MARCHF1: variants seen among roughly 807,000 people sequenced by gnomAD.
MARCHF1 encodes the protein membrane associated ring-CH-type finger 1.
In MARCHF1, 40 loss-of-function variants were observed where a neutral mutation model predicts 54.2. The observed-to-expected ratio is 0.74, with a 90% CI of 0.57 to 0.96. The LOEUF (loss-of-function observed/expected upper bound fraction) is 0.96. MARCHF1 is among the 40% of genes least tolerant of loss of function. MARCHF1 has a pLI of 0.00. For synonymous variants in MARCHF1, 236 were observed against 236.3 expected, an observed-to-expected ratio of 1.00 and a Z score of 0.01; for missense variants, 586 against 656.5, an observed-to-expected ratio of 0.89 and a Z score of 1.17.
At chr4:164,160,732 CA>C (rs1730210365) in intron 1 of MARCHF1, among the ~76,000 whole-genome samples, 1 of 152,072 alleles carries the variant, frequency 6.6e-6, no homozygotes, top group Non-Finnish European at 1.5e-5. Flanking sequence ...TACAAAACTC[CA>C]ACTGACAGGT....
At chr4:164,100,620 C>T (rs911336696) in intron 2 of MARCHF1, among the ~76,000 whole-genome samples, 4 of 152,170 alleles carry the variant, frequency 2.6e-5, no homozygotes, top group Non-Finnish European at 5.9e-5. Flanking sequence ...CTTTTTCAGT[C>T]ATGAATAAAA....
chr4:164,099,588 C>G (rs764354638), intron 2 of MARCHF1, among the ~76,000 whole-genome samples: 1 of 152,112 alleles, frequency 6.6e-6, no homozygotes, highest in African/African-American at 2.4e-5. Flanking sequence ...AAGCATAAAA[C>G]TTCTTTTCAA....
At chr4:163,588,279 T>A (rs1364786073) in intron 7 of MARCHF1, among the ~76,000 whole-genome samples, 2 of 152,156 alleles carry the variant, frequency 1.3e-5, no homozygotes, top group African/African-American at 4.8e-5. Flanking sequence ...GAGTGCCTAT[T>A]TTTAATATAA....
chr4:164,105,834 C>T (rs1220866087), intron 2 of MARCHF1, among the ~76,000 whole-genome samples: 1 of 139,682 alleles, frequency 7.2e-6, no homozygotes, highest in Non-Finnish European at 1.5e-5. Flanking sequence ...AGGTAACCTA[C>T]AATATGGGAG....
chr4:164,052,187 C>T (rs1472279234), intron 2 of MARCHF1, among the ~76,000 whole-genome samples: 1 of 148,632 alleles, frequency 6.7e-6, no homozygotes, highest in Non-Finnish European at 1.5e-5. Flanking sequence ...GCACAGCAAA[C>T]AGCCCTGGAA....
intron 8 of MARCHF1, among the ~76,000 whole-genome samples, chr4:163,558,830 A>G (rs79999443): frequency 0.067 from 10,195 of 152,278 alleles, 549 homozygotes; most frequent in South Asian, 0.17. Context: ...TCCAGAGAAT[A>G]AAAAGAACTG....
intron 1 of MARCHF1, among the ~76,000 whole-genome samples, chr4:164,281,199 T>G (rs1192502221): frequency 6.6e-6 from 1 of 152,150 alleles, no homozygotes; most frequent in Non-Finnish European, 1.5e-5. Flanking sequence ...CAAGCAAAAT[T>G]CAAGCAAAAG....
chr4:163,940,322 G>C (rs190624126), intron 3 of MARCHF1, among the ~76,000 whole-genome samples: 96 of 152,110 alleles, frequency 6.3e-4, no homozygotes, highest in African/African-American at 2.2e-3. Context: ...TGTGTCTTCC[G>C]TTGTATTTAT....
intron 5 of MARCHF1, among the ~76,000 whole-genome samples, chr4:163,691,780 A>C (rs1453920246): frequency 4.6e-5 from 7 of 152,170 alleles, no homozygotes; most frequent in Non-Finnish European, 8.8e-5. Context: ...AGCAGTCATC[A>C]ATGGTGGAGG....
chr4:163,803,694 C>A (rs1276547728), intron 4 of MARCHF1, among the ~76,000 whole-genome samples: 1 of 151,872 alleles, frequency 6.6e-6, no homozygotes, highest in Admixed American at 6.6e-5. Flanking sequence ...TTTTCTCTCA[C>A]TGTAATGATC....
intron 1 of MARCHF1, among the ~76,000 whole-genome samples, chr4:164,247,588 C>T (rs1316738590): frequency 7.7e-6 from 1 of 130,626 alleles, no homozygotes; most frequent in Non-Finnish European, 1.6e-5. Context: ...GCACATGTAC[C>T]CTAAAACTTA....
chr4:164,254,424 ATATG>A (rs1348671939), intron 1 of MARCHF1, among the ~76,000 whole-genome samples: 11 of 149,494 alleles, frequency 7.4e-5, no homozygotes, highest in Admixed American at 6.7e-4. Context: ...ACTCCTATAT[ATATG>A]TATCAATATA....
At chr4:163,814,563 G>A (rs1352661242) in intron 4 of MARCHF1, among the ~76,000 whole-genome samples, 3 of 152,118 alleles carry the variant, frequency 2.0e-5, no homozygotes, top group Non-Finnish European at 4.4e-5. Flanking sequence ...TAGCCTGGGC[G>A]ACAGAGTAAA....
chr4:164,176,418 T>G (rs1461109404), intron 1 of MARCHF1, among the ~76,000 whole-genome samples: 1 of 152,110 alleles, frequency 6.6e-6, no homozygotes, highest in Admixed American at 6.5e-5. Flanking sequence ...GCTATGGATG[T>G]TTTTTTCTGT....
chr4:164,002,545 C>A (rs1397614211), intron 2 of MARCHF1, among the ~76,000 whole-genome samples: 1 of 150,912 alleles, frequency 6.6e-6, no homozygotes, highest in Non-Finnish European at 1.5e-5. Context: ...ACTTAAAAAA[C>A]CAGTGAATCA....
At chr4:163,553,580 C>A (rs950154720) in intron 8 of MARCHF1, among the ~76,000 whole-genome samples, 1 of 152,158 alleles carries the variant, frequency 6.6e-6, no homozygotes, top group Non-Finnish European at 1.5e-5. Flanking sequence ...AAAGATGGCA[C>A]AATGATGGCT....
Position 164,362,538 on chromosome 4 carries a change from A to G in MARCHF1, c.-323+21332T>C, listed in dbSNP as rs1017319172. 8.5e-5 allele frequency among the ~76,000 whole-genome samples: 13 copies of G among 152,270 alleles called. No homozygotes were observed. In the South Asian group the frequency reaches 2.5e-3, roughly 29 times the overall value. On this transcript the variant is annotated intron_variant, in intron 1 of 9. Transcript: ENST00000514618. ...CACATAGATGCCCAAGGCTAATTGG[A>G]CTAGAAACCAGCCACGTTTTACTAC...
chr4:164,226,657 A>ATG (rs767531725), intron 1 of MARCHF1, among the ~76,000 whole-genome samples: 69 of 151,736 alleles, frequency 4.5e-4, no homozygotes, highest in African/African-American at 1.6e-3. Context: ...ATTTGTGTGT[A>ATG]TGTGTGTGTG....
chr4:163,784,400 ATCCTT>A (rs965587256), intron 4 of MARCHF1, among the ~76,000 whole-genome samples: 2 of 152,288 alleles, frequency 1.3e-5, no homozygotes, highest in Admixed American at 6.5e-5. Flanking sequence ...AAATGGACTG[ATCCTT>A]TCATCTGGAT....
Sources: gnomAD v4.1 joint callset for allele counts (sites outside exome capture counted in the v4.1 genomes callset) on GRCh38, gnomAD v4.1.1 for gene constraint, MANE v1.5 for transcripts, NCBI Gene and HGNC (gene_info 2026-07-23, HGNC 2026-07-21) for gene names.